CREBBP: variants seen among roughly 807,000 people sequenced by gnomAD.
CREBBP encodes the protein CREB binding lysine acetyltransferase.
Under a neutral mutation model 265.0 loss-of-function variants are expected in CREBBP, and 19 were observed. The observed-to-expected ratio is 0.07, with a 90% CI of 0.05 to 0.11. CREBBP has a LOEUF of 0.11. CREBBP is among the 10% of genes least tolerant of loss of function. The pLI is 1.00. For missense variants in CREBBP, 2,525 were observed against 3,219.0 expected (o/e 0.78, Z 5.22); for synonymous variants, 1,457 against 1,223.7 (o/e 1.19, Z -3.98).
At chr16:3,819,770 CAAT>C (rs2054107099) in intron 2 of CREBBP, among the ~76,000 whole-genome samples, 1 of 151,968 alleles carries the variant, frequency 6.6e-6, no homozygotes. Context: ...AAATCATAAG[CAAT>C]AATGACATAT....
rs2151319571 is a variant in CREBBP at position 3,731,897 on chromosome 16, T to C, written c.4769A>G (p.Asn1590Ser). The change falls in exon 29 of 31, where the codon AAC becomes AGC. Residue 1590 changes from asparagine to serine, a missense_variant. By Grantham distance (46) the Asn-to-Ser change is conservative. Coordinates refer to ENST00000262367, the MANE Select transcript of CREBBP (RefSeq NM_004380.3). The surrounding 1 kb of genome is among the most constrained non-coding windows in gnomAD (Gnocchi z 7.7). ...GCTTTTGTTCTTGTTGGTTTTCTTGTTGTTCTTCTTCTTGGCATTCTTGCT... is the reference window on the plus strand; with the variant it reads ...GCTTTTGTTCTTGTTGGTTTTCTTGCTGTTCTTCTTCTTGGCATTCTTGCT... The part of the protein sequence containing the change: ...GDSKNAKKKN[N>S]KKTNKNKSSI... 1 of 1,614,248 alleles carries C rather than the reference T, an allele frequency of 6.2e-7. No individual in the cohort carries two copies. Among genetic ancestry groups the C allele is most frequent in the South Asian group, 1.1e-5 (1 of 91,088 alleles).
intron 14 of CREBBP, 77 bp downstream of exon 14, chr16:3,770,493 G>T (rs747840473): frequency 6.5e-7 from 1 of 1,529,838 alleles, no homozygotes; most frequent in Non-Finnish European, 9.0e-7. Context: ...ACCGCGCCTG[G>T]CCTGACACAC....
At chr16:3,788,153 C>T (rs1027414639) in intron 5 of CREBBP, among the ~76,000 whole-genome samples, 2 of 152,194 alleles carry the variant, frequency 1.3e-5, no homozygotes, top group Non-Finnish European at 2.9e-5. Context: ...CTTGCTTCAA[C>T]AGTCCCTGGG....
intron 28 of CREBBP, among the ~76,000 whole-genome samples, chr16:3,735,219 A>C (rs987248306): frequency 3.7e-4 from 57 of 152,304 alleles, no homozygotes; most frequent in Admixed American, 4.6e-4. Flanking sequence ...TGCCACGCTC[A>C]GAGCACACCA....
chr16:3,816,696 G>A (rs756720869), intron 2 of CREBBP, among the ~76,000 whole-genome samples: 1 of 152,158 alleles, frequency 6.6e-6, no homozygotes, highest in Non-Finnish European at 1.5e-5. Flanking sequence ...CGGCTCTAGA[G>A]GATTATCTGT....
intron 24 of CREBBP, 23 bp downstream of exon 24, chr16:3,740,376 C>T (rs1227563720): frequency 6.2e-7 from 1 of 1,613,944 alleles, no homozygotes; most frequent in South Asian, 1.1e-5. Flanking sequence ...TCGCAGAGCA[C>T]TGTAGAGAGC....
intron 1 of CREBBP, among the ~76,000 whole-genome samples, chr16:3,860,058 G>C (rs2055041892): frequency 6.6e-6 from 1 of 152,056 alleles, no homozygotes; most frequent in Non-Finnish European, 1.5e-5. Flanking sequence ...CTCAACCGTG[G>C]GATCTGACAC....
Position 3,849,431 on chromosome 16 carries a change from GTGT to G in CREBBP, c.798+863_798+865del, listed in dbSNP as rs2054752966. On this transcript the variant is annotated intron_variant, in intron 2 of 30. Coordinates refer to ENST00000262367, the MANE Select transcript of CREBBP (RefSeq NM_004380.3). Reference sequence around the variant, plus strand: ...TGTGTGTGTGTGTGTGTGTGTGTGTGTGTGTGTGTGTGTGTGTGTGTGTGTGTG... The same window carrying G: ...TGTGTGTGTGTGTGTGTGTGTGTGTGGTGTGTGTGTGTGTGTGTGTGTGTG... Among the ~76,000 whole-genome samples the G allele has an allele frequency of 2.9e-3, 42 of 14,482 alleles. 1 individual carries two copies. Among genetic ancestry groups the G allele is most frequent in the Admixed American group, 9.4e-3 (10 of 1,066 alleles). 9.5% of individuals were successfully genotyped at this position (14,482 alleles called of 152,430 possible).
At chr16:3,736,311 T>A in intron 27 of CREBBP, 108 bp from the exon 28 acceptor site, 1 of 1,165,392 alleles carries the variant, frequency 8.6e-7, no homozygotes, top group Non-Finnish European at 1.3e-6. Flanking sequence ...TGTGGCAGAG[T>A]CCCATGCATG....
intron 5 of CREBBP, among the ~76,000 whole-genome samples, chr16:3,783,264 T>C (rs2053315065): frequency 6.6e-6 from 1 of 152,154 alleles, no homozygotes; most frequent in South Asian, 2.1e-4. Flanking sequence ...GTGGCAAATG[T>C]ATGACAAGGG....
chr16:3,737,611 C>A (rs1230721461), intron 26 of CREBBP, among the ~76,000 whole-genome samples: 1 of 151,802 alleles, frequency 6.6e-6, no homozygotes, highest in South Asian at 2.1e-4. Flanking sequence ...GCTAGGCACC[C>A]GCCACCACGC....
chr16:3,749,484 T>C (rs952784172), intron 21 of CREBBP, 143 bp downstream of exon 21: 2 of 626,298 alleles, frequency 3.2e-6, no homozygotes, highest in South Asian at 3.8e-5. Context: ...AAGAAATCTA[T>C]ATCTAAAAGA....
chr16:3,781,787 C>T (rs1046800545), intron 6 of CREBBP, among the ~76,000 whole-genome samples: 1 of 152,046 alleles, frequency 6.6e-6, no homozygotes, highest in African/African-American at 2.4e-5. Flanking sequence ...AAAGCTGAGA[C>T]TAAAAAAGGT....
At chr16:3,763,935 C>T (rs2052785031) in intron 16 of CREBBP, among the ~76,000 whole-genome samples, 1 of 150,940 alleles carries the variant, frequency 6.6e-6, no homozygotes, top group African/African-American at 2.4e-5. Flanking sequence ...GCCTCCACCT[C>T]CTGGGTTCAA....
intron 26 of CREBBP, among the ~76,000 whole-genome samples, chr16:3,737,504 G>T (rs536248314): frequency 6.6e-6 from 1 of 151,328 alleles, no homozygotes; most frequent in African/African-American, 2.4e-5. Flanking sequence ...TTGTTGCCCA[G>T]GGTGGAGTGC....
At chr16:3,782,470 A>T (rs130021) in intron 6 of CREBBP, among the ~76,000 whole-genome samples, 1 of 152,124 alleles carries the variant, frequency 6.6e-6, no homozygotes, top group African/African-American at 2.4e-5. Context: ...AGCAAGCAAC[A>T]AAAACATTGC....
rs754944719 is a variant in CREBBP, at chr16:3,727,780, C to G, written c.7267G>C (p.Glu2423Gln). 1 of 1,614,168 alleles carries G rather than the reference C, an allele frequency of 6.2e-7. No individual in the cohort carries two copies. Among genetic ancestry groups the G allele is most frequent in the South Asian group, 1.1e-5 (1 of 91,080 alleles). The change falls in exon 31 of 31, where the codon GAA (glutamate) becomes CAA (glutamine). Residue 2423 changes from glutamate (E) to glutamine (Q), a missense_variant. Physicochemically the swap from Glu to Gln is conservative, Grantham distance 29 (BLOSUM62 2). Coordinates refer to ENST00000262367, the MANE Select transcript of CREBBP (RefSeq NM_004380.3). ...GTGGTGTCCCCGACCAGGGACAGTTCGCTGGACAGCGCACTCCTGCTGGGG... is the reference window on the plus strand; with the variant it reads ...GTGGTGTCCCCGACCAGGGACAGTTGGCTGGACAGCGCACTCCTGCTGGGG... ...NTPSRSALSS[E>Q]LSLVGDTTGD...
intron 2 of CREBBP, among the ~76,000 whole-genome samples, chr16:3,849,428 T>TGTGTGTGTGTGTGTGTGTGTGTGTGTG (rs2054750741): frequency 2.5e-4 from 2 of 7,940 alleles, no homozygotes; most frequent in African/African-American, 3.1e-4. Flanking sequence ...TGTGTGTGTG[T>TGTGTGTGTGTGTGTGTGTGTGTGTGTG]GTGTGTGTGT....
At chr16:3,733,641 A>G (rs2051976470) in intron 28 of CREBBP, among the ~76,000 whole-genome samples, 1 of 152,164 alleles carries the variant, frequency 6.6e-6, no homozygotes, top group Non-Finnish European at 1.5e-5. Context: ...GCCTTAAAAC[A>G]AAGGAAGCCT....
Sources: allele counts gnomAD v4.1 joint callset (sites outside exome capture counted in the v4.1 genomes callset), GRCh38; gene constraint gnomAD v4.1.1; non-coding constraint Gnocchi (gnomAD v3.1); transcripts MANE v1.5; gene names NCBI Gene and HGNC (gene_info 2026-07-23, HGNC 2026-07-21).